Variants in VKORC1L1 observed in about 807,000 individuals in gnomAD.
The protein encoded by VKORC1L1 is vitamin K epoxide reductase complex subunit 1-like protein 1.
Under a neutral mutation model 18.9 loss-of-function variants are expected in VKORC1L1, and 2 were observed. The observed-to-expected ratio is 0.11, with a 90% CI of 0.04 to 0.33. VKORC1L1 has a LOEUF of 0.33. Among genes scored for constraint, VKORC1L1 ranks in the 10% least tolerant of loss-of-function variants. The pLI is 1.00. For synonymous variants in VKORC1L1, 96 were observed against 100.0 expected (o/e 0.96, Z 0.24); for missense variants, 123 against 224.1 (o/e 0.55, Z 2.88).
At chr7:65,930,654 A>G (rs763360771) in intron 1 of VKORC1L1, among the ~76,000 whole-genome samples, 111 of 152,234 alleles carry the variant, frequency 7.3e-4, no homozygotes, top group Non-Finnish European at 1.3e-3. Context: ...TTTTCTATAT[A>G]GACAATTGTG....
At chr7:65,925,773 C>T (rs2115641137) in intron 1 of VKORC1L1, among the ~76,000 whole-genome samples, 1 of 152,164 alleles carries the variant, frequency 6.6e-6, no homozygotes, top group South Asian at 2.1e-4. Context: ...AATGCACGTG[C>T]TTATTTCTAT....
In VKORC1L1 at chr7:65,873,257, TGGTGGCGGCGGCGGCGGA is replaced by T. The variant is rs1583815505; in HGVS notation, c.-112_-95del. The T allele has an allele frequency of 2.3e-6, 2 of 864,226 alleles. No homozygotes were observed. The highest frequency in any genetic ancestry group is 2.3e-5 in the African/African-American group (1 of 42,850). 53.5% of individuals were successfully genotyped at this position (864,226 alleles called of 1,614,324 possible). On this transcript the variant is annotated 5_prime_UTR_variant, in exon 1 of 3. Coordinates refer to ENST00000360768, the MANE Select transcript of VKORC1L1 (RefSeq NM_173517.6). The stretch of plus-strand genomic sequence containing the variant: ...TGGGGCGCGGCGGCGGCGGCGGCGG[TGGTGGCGGCGGCGGCGGA>T]GGCGGCGGTGGCGGCGGTGGCGGCT...
chr7:65,934,290 TACA>T (rs1486760716), intron 1 of VKORC1L1, among the ~76,000 whole-genome samples: 3 of 152,100 alleles, frequency 2.0e-5, no homozygotes, highest in Non-Finnish European at 1.5e-5. Flanking sequence ...ATTTATGGAG[TACA>T]ACATGATGTT....
At chr7:65,879,385 G>A (rs996816506) in intron 1 of VKORC1L1, among the ~76,000 whole-genome samples, 3 of 152,116 alleles carry the variant, frequency 2.0e-5, no homozygotes, top group African/African-American at 7.2e-5. Context: ...AATATCACAA[G>A]GAAGTGAATC....
intron 1 of VKORC1L1, among the ~76,000 whole-genome samples, chr7:65,946,524 C>G (rs1790121724): frequency 6.6e-6 from 1 of 152,150 alleles, no homozygotes; most frequent in South Asian, 2.1e-4. Context: ...GAAGGAACAG[C>G]TACATTTTAA....
rs190693953 is a variant in VKORC1L1, at chr7:65,882,365, G to T, written c.194+8800G>T. Among the ~76,000 whole-genome samples, 278 of 149,722 alleles carry T rather than the reference G, an allele frequency of 1.9e-3. 2 individuals carry two copies. The highest frequency in any genetic ancestry group is 6.7e-3 in the African/African-American group (271 of 40,618). On this transcript the variant is annotated intron_variant, in intron 1 of 2. Transcript: ENST00000360768. ...TTGCACTCCAGCCTGGGCAACAAGA[G>T]TGAAACTCCGTCTGAAAAATAAAAT...
intron 1 of VKORC1L1, among the ~76,000 whole-genome samples, chr7:65,909,124 G>A (rs1268381113): frequency 1.4e-5 from 2 of 141,050 alleles, no homozygotes; most frequent in African/African-American, 2.5e-5. Flanking sequence ...TTACAGGCGT[G>A]AGCCACCACG....
intron 2 of VKORC1L1, among the ~76,000 whole-genome samples, chr7:65,949,623 A>G (rs1342919414): frequency 1.3e-5 from 2 of 152,092 alleles, no homozygotes; most frequent in Non-Finnish European, 2.9e-5. Flanking sequence ...GTCTCTGTAG[A>G]AAATACAAAA....
At chr7:65,870,189 G>T (rs1387519525), upstream of VKORC1L1, among the ~76,000 whole-genome samples, 4 of 150,616 alleles carry the variant, frequency 2.7e-5, no homozygotes, top group African/African-American at 9.8e-5. Flanking sequence ...CAAGGCCAAA[G>T]CGGGTGGATC....
chr7:65,948,980 T>A (rs1790166667), intron 2 of VKORC1L1, among the ~76,000 whole-genome samples, 200 bp downstream of exon 2: 2 of 152,190 alleles, frequency 1.3e-5, no homozygotes, highest in Non-Finnish European at 2.9e-5. Flanking sequence ...TGTTTAATCA[T>A]GGAGAGCAGT....
At chr7:65,943,414 A>G (rs1790068217) in intron 1 of VKORC1L1, among the ~76,000 whole-genome samples, 1 of 152,166 alleles carries the variant, frequency 6.6e-6, no homozygotes, top group Non-Finnish European at 1.5e-5. Flanking sequence ...TTTTTAAACT[A>G]TATATAACTG....
chr7:65,917,983 G>A (rs1308178278), intron 1 of VKORC1L1, among the ~76,000 whole-genome samples: 1 of 152,198 alleles, frequency 6.6e-6, no homozygotes, highest in Non-Finnish European at 1.5e-5. Flanking sequence ...GGTTAGTAGT[G>A]ACATCTAGCA....
rs1790297399 is a variant in VKORC1L1, at chr7:65,956,517, G to A, written c.*2217G>A. 2.0e-5 allele frequency: 3 copies of A among 152,174 alleles called. No individual in the cohort carries two copies. The highest frequency in any genetic ancestry group is 1.3e-4 in the Admixed American group (2 of 15,282). The allele number at this position is 152,174 out of a possible 1,614,324, so 9.4% of individuals were successfully genotyped here. A position where few individuals can be genotyped will look rare whatever the true frequency, so the allele number is the denominator to read the frequency against. On this transcript the variant is annotated 3_prime_UTR_variant, in exon 3 of 3. Transcript: ENST00000360768. ...TCCAGTTTTTCCTTTGCTTTTCTAAGCCTCGGGGAAACCACTGTTTCAGTT... is the reference window on the plus strand; with the variant it reads ...TCCAGTTTTTCCTTTGCTTTTCTAAACCTCGGGGAAACCACTGTTTCAGTT...
At chr7:65,907,007 C>T (rs1399157686) in intron 1 of VKORC1L1, among the ~76,000 whole-genome samples, 8 of 152,020 alleles carry the variant, frequency 5.3e-5, no homozygotes, top group African/African-American at 1.7e-4. Context: ...TGTATTTACT[C>T]AAAATAGGTG....
rs1788938504 is a variant in VKORC1L1 at position 65,882,127 on chromosome 7, C to A, written c.194+8562C>A. Among the ~76,000 whole-genome samples the A allele has an allele frequency of 5.3e-5, 8 of 151,082 alleles. No individual in the cohort carries two copies. The Admixed American group carries it at 5.3e-4, about 10-fold the overall frequency. ...GGGTGTAGTGGCTCACGCCTGTAAC[C>A]CCAGCACTTTGGGAGACTGAGGCGG... On this transcript the variant is annotated intron_variant, in intron 1 of 2. Coordinates refer to ENST00000360768, the MANE Select transcript of VKORC1L1 (RefSeq NM_173517.6).
rs552891650 is a variant in VKORC1L1 at position 65,900,434 on chromosome 7, A to C, written c.194+26869A>C. Among the ~76,000 whole-genome samples, 9 of 151,950 alleles carry C rather than the reference A, an allele frequency of 5.9e-5. No homozygotes were observed. In the East Asian group the frequency reaches 9.7e-4, roughly 16 times the overall value. On this transcript the variant is annotated intron_variant, in intron 1 of 2. Coordinates refer to ENST00000360768, the MANE Select transcript of VKORC1L1 (RefSeq NM_173517.6). ...AAAATATAGAAAAATAAAATGTTACACACAAAACAGATCATCATTCTTAAT... is the reference window on the plus strand; with the variant it reads ...AAAATATAGAAAAATAAAATGTTACCCACAAAACAGATCATCATTCTTAAT...
At chr7:65,879,733 CTTTTTCCTTCCTTCCTTCCTTTTCTTTA>C (rs1284760820) in intron 1 of VKORC1L1, among the ~76,000 whole-genome samples, 1 of 150,256 alleles carries the variant, frequency 6.7e-6, no homozygotes, top group South Asian at 2.1e-4. Context: ...TCTTTTCTTT[CTTTTTCCTTCCTTCCTTCCTTTTCTTTA>C]TTTTTCCTTC....
chr7:65,939,312 A>T (rs1222235706), intron 1 of VKORC1L1, among the ~76,000 whole-genome samples: 3 of 152,214 alleles, frequency 2.0e-5, no homozygotes, highest in African/African-American at 7.2e-5. Flanking sequence ...CAGCCAAAGA[A>T]GTAAAAGGGG....
chr7:65,946,726 G>A (rs1056743393), intron 1 of VKORC1L1, among the ~76,000 whole-genome samples: 11 of 152,110 alleles, frequency 7.2e-5, no homozygotes, highest in African/African-American at 2.2e-4. Context: ...CGTCTGGCTC[G>A]TTCACTTCTG....
Sources: gnomAD v4.1 joint callset for allele counts (sites outside exome capture counted in the v4.1 genomes callset) on GRCh38, gnomAD v4.1.1 for gene constraint, MANE v1.5 for transcripts, NCBI Gene and HGNC (gene_info 2026-07-23, HGNC 2026-07-21) for gene names.